The following HMGCLL1 variants were observed in gnomAD, a reference collection of about 807,000 sequenced individuals.
HMGCLL1 encodes the protein 3-hydroxy-3-methylglutaryl-CoA lyase like 1.
Under a neutral mutation model 39.1 loss-of-function variants are expected in HMGCLL1, and 36 were observed. The observed-to-expected ratio is 0.92, with a 90% CI of 0.71 to 1.22. The LOEUF (loss-of-function observed/expected upper bound fraction) is 1.22, where lower values mean the gene tolerates loss of function less well. Among genes scored for constraint, HMGCLL1 ranks in the 50% most tolerant of loss-of-function variants. The pLI, the probability that HMGCLL1 is intolerant of heterozygous loss-of-function variation, is 0.00. For synonymous variants in HMGCLL1, 149 were observed against 144.0 expected, an observed-to-expected ratio of 1.03 and a Z score of -0.25; for missense variants, 451 against 416.5, an observed-to-expected ratio of 1.08 and a Z score of -0.72.
chr6:55,474,883 T>C (rs1765217582), intron 7 of HMGCLL1, among the ~76,000 whole-genome samples: 1 of 151,800 alleles, frequency 6.6e-6, no homozygotes, highest in East Asian at 1.9e-4. Flanking sequence ...TAAGGCGGGC[T>C]TTCCTAAGTA....
At chr6:55,609,274 A>T in the HMGCLL1 span, among the ~76,000 whole-genome samples, 5 of 152,122 alleles carry the variant, frequency 3.3e-5, no homozygotes, top group African/African-American at 1.2e-4. Flanking sequence ...TTAGCTTCCT[A>T]AGACACTAAA....
At chr6:55,595,863 T>C in the HMGCLL1 span, among the ~76,000 whole-genome samples, 13 of 152,222 alleles carry the variant, frequency 8.5e-5, no homozygotes, top group Non-Finnish European at 1.6e-4. Flanking sequence ...CGTTAAACGC[T>C]GCAGCATGAT....
At chr6:55,673,057 GC>G in the HMGCLL1 span, among the ~76,000 whole-genome samples, 1 of 151,932 alleles carries the variant, frequency 6.6e-6, no homozygotes, top group Admixed American at 6.6e-5. Flanking sequence ...CTTAGCAGAG[GC>G]CTTCAGCTGA....
chr6:55,551,548 G>C (rs1232685159), intron 1 of HMGCLL1, among the ~76,000 whole-genome samples: 1 of 151,872 alleles, frequency 6.6e-6, no homozygotes, highest in Non-Finnish European at 1.5e-5. Context: ...GGGAAAGGAG[G>C]GGGAGGAGAA....
chr6:55,443,517 G>C (rs1311102009), intron 7 of HMGCLL1, among the ~76,000 whole-genome samples: 1 of 151,984 alleles, frequency 6.6e-6, no homozygotes, highest in African/African-American at 2.4e-5. Context: ...AAAGAGTGAG[G>C]AAACAACAGT....
chr6:55,643,782 C>G, the HMGCLL1 span, among the ~76,000 whole-genome samples: 1 of 152,002 alleles, frequency 6.6e-6, no homozygotes, highest in Non-Finnish European at 1.5e-5. Context: ...TTGCAAATGA[C>G]AGAATCTGCC....
the HMGCLL1 span, among the ~76,000 whole-genome samples, chr6:55,589,417 C>G: frequency 1.3e-5 from 2 of 152,092 alleles, no homozygotes; most frequent in Non-Finnish European, 2.9e-5. Flanking sequence ...ATAATAAGAG[C>G]TATTTATGAC....
intron 3 of HMGCLL1, among the ~76,000 whole-genome samples, chr6:55,532,806 T>A (rs199748466): frequency 0.031 from 31 of 1,014 alleles, 4 homozygotes; most frequent in South Asian, 0.05. Flanking sequence ...GTCTCAAACA[T>A]AATAATAATA....
rs1453721831 is a variant in HMGCLL1, at chr6:55,440,629, CT to C, written c.796-1071del. 3.9e-5 allele frequency among the ~76,000 whole-genome samples: 6 copies of C among 152,192 alleles called. No homozygotes were observed. In the East Asian group the frequency reaches 1.2e-3, roughly 29 times the overall value. Reference sequence around the variant, plus strand: ...CAGTAAAGCCTAATCCGATTCTTCACTCTTGGGCATTAAAGAAAAAGTAACA... The same window carrying C: ...CAGTAAAGCCTAATCCGATTCTTCACCTTGGGCATTAAAGAAAAAGTAACA... On this transcript the variant is annotated intron_variant, in intron 7 of 8. Coordinates refer to ENST00000274901, the MANE Select transcript of HMGCLL1 (RefSeq NM_001042406.2).
chr6:55,503,107 G>A (rs775464892), intron 5 of HMGCLL1, among the ~76,000 whole-genome samples: 2 of 151,636 alleles, frequency 1.3e-5, no homozygotes, highest in African/African-American at 4.8e-5. Flanking sequence ...TGAGCATCTT[G>A]AATTATTTAA....
At chr6:55,519,607 A>G (rs908184391) in intron 3 of HMGCLL1, among the ~76,000 whole-genome samples, 1 of 152,288 alleles carries the variant, frequency 6.6e-6, no homozygotes, top group Non-Finnish European at 1.5e-5. Context: ...ATTTCCGATA[A>G]TAAGCAGAAA....
intron 1 of HMGCLL1, among the ~76,000 whole-genome samples, chr6:55,565,151 A>G (rs1172061553): frequency 6.6e-6 from 1 of 152,120 alleles, no homozygotes; most frequent in African/African-American, 2.4e-5. Context: ...GACATTATGC[A>G]GTGAAAAACA....
chr6:55,506,771 T>C (rs1242403900), intron 5 of HMGCLL1, among the ~76,000 whole-genome samples: 2 of 151,626 alleles, frequency 1.3e-5, no homozygotes, highest in Non-Finnish European at 3.0e-5. Flanking sequence ...GGTTGGCAAC[T>C]TGGATACACC....
the HMGCLL1 span, among the ~76,000 whole-genome samples, chr6:55,674,714 G>A: frequency 6.6e-6 from 1 of 152,072 alleles, no homozygotes; most frequent in African/African-American, 2.4e-5. Flanking sequence ...GTTAGCAAGG[G>A]TAATAGGACC....
At chr6:55,648,393 C>CA in the HMGCLL1 span, among the ~76,000 whole-genome samples, 19 of 124,130 alleles carry the variant, frequency 1.5e-4, no homozygotes, top group African/African-American at 5.5e-4. Context: ...AATAGAGACA[C>CA]AAAAAACCCT....
At chr6:55,487,484 C>T (rs1278986984) in intron 7 of HMGCLL1, among the ~76,000 whole-genome samples, 4 of 151,786 alleles carry the variant, frequency 2.6e-5, no homozygotes, top group Non-Finnish European at 5.9e-5. Flanking sequence ...GTGTGATGTT[C>T]CCCTTCCTGT....
intron 1 of HMGCLL1, among the ~76,000 whole-genome samples, chr6:55,543,093 A>T (rs1424618891): frequency 3.8e-5 from 1 of 26,150 alleles, no homozygotes; most frequent in Non-Finnish European, 7.1e-5. Context: ...TGATATATAT[A>T]ATATAATATA....
chr6:55,506,543 T>C (rs558127999), intron 5 of HMGCLL1, among the ~76,000 whole-genome samples: 1 of 151,756 alleles, frequency 6.6e-6, no homozygotes, highest in South Asian at 2.1e-4. Context: ...ATTCATAAGC[T>C]TAAAATTGTG....
chr6:55,448,255 T>C (rs1330334829), intron 7 of HMGCLL1, among the ~76,000 whole-genome samples: 1 of 151,500 alleles, frequency 6.6e-6, no homozygotes, highest in Non-Finnish European at 1.5e-5. Context: ...ACAGAGTTGA[T>C]AAATTACATA....
Sources: gnomAD v4.1 joint callset for allele counts (sites outside exome capture counted in the v4.1 genomes callset) on GRCh38, gnomAD v4.1.1 for gene constraint, MANE v1.5 for transcripts, NCBI Gene and HGNC (gene_info 2026-07-23, HGNC 2026-07-21) for gene names.